PDAP1: variants seen among roughly 807,000 people sequenced by gnomAD.
PDAP1 encodes PDGFA associated protein 1, also known as 28 kDa heat- and acid-stable phosphoprotein.
PDAP1 carries 13 observed loss-of-function variants against 28.0 expected under a neutral mutation model. The ratio of observed to expected loss-of-function variants is 0.46; its 90% CI spans 0.30 to 0.74. The LOEUF (loss-of-function observed/expected upper bound fraction) is 0.74, where lower values mean the gene tolerates loss of function less well. Among genes scored for constraint, PDAP1 ranks in the 30% least tolerant of loss-of-function variants. The pLI is 0.07. For missense variants in PDAP1, 150 were observed against 230.0 expected, an observed-to-expected ratio of 0.65 and a Z score of 2.25; for synonymous variants, 77 against 85.1, an observed-to-expected ratio of 0.91 and a Z score of 0.52.
At position 99,400,342 on chromosome 7, in the gene PDAP1, A is replaced by G; in HGVS notation, c.296T>C (p.Leu99Pro). The change falls in exon 4 of 6, where the codon CTG (leucine) becomes CCG (proline). Residue 99 changes from leucine (L) to proline (P), a missense_variant. Physicochemically the swap from Leu to Pro is moderately conservative, Grantham distance 98. Transcript: ENST00000350498. The part of the protein sequence containing the change: ...VAQTTKKVTQ[L>P]DLDGPKELSR... Reference sequence around the variant, plus strand: ...AAGCTCCTTTGGCCCGTCCAGATCCAGTTGTGTGACCTTTTTGGTTGTCTG... The same window carrying G: ...AAGCTCCTTTGGCCCGTCCAGATCCGGTTGTGTGACCTTTTTGGTTGTCTG... The G allele has an allele frequency of 6.2e-7, 1 of 1,613,794 alleles. No homozygotes were observed. Among genetic ancestry groups the G allele is most frequent in the South Asian group, 1.1e-5 (1 of 91,044 alleles).
chr7:99,403,460 G>T lies in PDAP1; in HGVS notation c.151C>A (p.Pro51Thr). 1 of 1,612,450 alleles carries T rather than the reference G, an allele frequency of 6.2e-7. No homozygotes were observed. Among genetic ancestry groups the T allele is most frequent in the South Asian group, 1.1e-5 (1 of 91,056 alleles). Residue 51 changes from proline (P) to threonine (T), a missense_variant, in exon 3 of 6, where the codon CCC becomes ACC. Coordinates refer to ENST00000350498, the MANE Select transcript of PDAP1 (RefSeq NM_014891.7). ...TCTAGAGATTTCTTCTCCTTTTTGG[G>T]GTCACCTGCAGCCCCATCTCCACCT... ...KEGGDGAAGD[P>T]KKEKKSLDSD...
chr7:99,396,862 G>C, intron 5 of PDAP1, 122 bp from the exon 6 acceptor site: 1 of 758,862 alleles, frequency 1.3e-6, no homozygotes. Context: ...GTGCAACAGA[G>C]AAGAGCCGAG....
Position 99,397,923 on chromosome 7 carries a change from C to A in PDAP1, c.426G>T (p.Arg142=), listed in dbSNP as rs200704161. The A allele has an allele frequency of 1.7e-5, 28 of 1,614,116 alleles. No homozygotes were observed. In the Admixed American group the frequency reaches 3.5e-4, roughly 20 times the overall value. Reference sequence around the variant, plus strand: ...CCCGCTGTTTCCGGATGATGGCCAGCCGGGCCAGGTCAGCCTTGGCTTGCT... The same window carrying A: ...CCCGCTGTTTCCGGATGATGGCCAGACGGGCCAGGTCAGCCTTGGCTTGCT... ...KTEQAKADLA[R]LAIIRKQREE... Residue 142 remains arginine, a synonymous_variant, in exon 5 of 6, where the codon CGG becomes CGT. Coordinates refer to ENST00000350498, the MANE Select transcript of PDAP1 (RefSeq NM_014891.7).
At chr7:99,407,883 C>T (rs10279308) in intron 1 of PDAP1, among the ~76,000 whole-genome samples, 43,182 of 152,172 alleles carry the variant, frequency 0.28, 11,524 homozygotes, top group African/African-American at 0.71. Context: ...AGAATAGTTA[C>T]TGCTTCACTG....
chr7:99,405,882 T>G (rs1794962479), intron 1 of PDAP1, among the ~76,000 whole-genome samples: 1 of 152,212 alleles, frequency 6.6e-6, no homozygotes, highest in South Asian at 2.1e-4. Flanking sequence ...TACAGGGTTG[T>G]CACAAAGATA....
Position 99,396,530 on chromosome 7 carries a change from C to G in PDAP1, c.*152G>C. ...CCCCCCCCCATCCCCCAAACAATTT[C>G]TGTGCCAAGATGAAGAGGAGGCCCC... On this transcript the variant is annotated 3_prime_UTR_variant, in exon 6 of 6. Transcript: ENST00000350498. 2.5e-6 allele frequency: 1 copy of G among 406,324 alleles called. No homozygotes were observed. Among genetic ancestry groups the G allele is most frequent in the Non-Finnish European group, 5.0e-6 (1 of 200,538 alleles). 25.2% of individuals were successfully genotyped at this position (406,324 alleles called of 1,614,324 possible).
At chr7:99,401,136 A>ACC (rs1311275027) in intron 3 of PDAP1, among the ~76,000 whole-genome samples, 1 of 151,870 alleles carries the variant, frequency 6.6e-6, no homozygotes, top group Non-Finnish European at 1.5e-5. Context: ...GCACACTTAC[A>ACC]CCTCCACTCA....
intron 1 of PDAP1, among the ~76,000 whole-genome samples, chr7:99,407,096 A>G (rs1387627676): frequency 6.6e-6 from 1 of 152,200 alleles, no homozygotes; most frequent in Non-Finnish European, 1.5e-5. Context: ...TCAAGACTTT[A>G]AAAAACGATT....
At chr7:99,399,998 G>GT (rs1794834731) in intron 4 of PDAP1, among the ~76,000 whole-genome samples, 2 of 152,222 alleles carry the variant, frequency 1.3e-5, no homozygotes, top group African/African-American at 4.8e-5. Flanking sequence ...GATCAGTGGG[G>GT]TAAGGGAAGT....
At chr7:99,404,379 C>A (rs771338045) in intron 2 of PDAP1, among the ~76,000 whole-genome samples, 2 of 152,152 alleles carry the variant, frequency 1.3e-5, no homozygotes, top group Non-Finnish European at 2.9e-5. Context: ...ACTAAATCAG[C>A]TCTGGCTGGA....
At chr7:99,402,733 T>G (rs1426798569) in intron 3 of PDAP1, among the ~76,000 whole-genome samples, 1 of 151,232 alleles carries the variant, frequency 6.6e-6, no homozygotes, top group Non-Finnish European at 1.5e-5. Context: ...ATACAAAAAA[T>G]TAGCCCGGCG....
rs1196539953 is a variant in PDAP1 at position 99,394,778 on chromosome 7, GTAA to G, written c.*1901_*1903del. ...TGTGGAGGTAATAAAATGCAACTGT[GTAA>G]AAAAAAAAAAAAAAAAAAAAGTAAT... On this transcript the variant is annotated 3_prime_UTR_variant, in exon 6 of 6. Transcript: ENST00000350498. The G allele has an allele frequency of 1.3e-6, 1 of 771,616 alleles. No homozygotes were observed. Among genetic ancestry groups the G allele is most frequent in the African/African-American group, 3.4e-5 (1 of 29,654 alleles). The allele number at this position is 771,616 out of a possible 1,614,324, so 47.8% of individuals were successfully genotyped here. A position where few individuals can be genotyped will look rare whatever the true frequency, so the allele number is the denominator to read the frequency against.
chr7:99,400,211 C>T, intron 4 of PDAP1, 92 bp downstream of exon 4: 2 of 1,429,588 alleles, frequency 1.4e-6, no homozygotes, highest in East Asian at 2.3e-5. Context: ...AATAAACAGC[C>T]ACAGCTCCCA....
At chr7:99,405,965 C>A (rs188944302) in intron 1 of PDAP1, among the ~76,000 whole-genome samples, 1 of 152,308 alleles carries the variant, frequency 6.6e-6, no homozygotes, top group Admixed American at 6.5e-5. Context: ...AAAATGTTCG[C>A]TAATATCCAG....
intron 1 of PDAP1, among the ~76,000 whole-genome samples, chr7:99,405,959 T>C (rs1794963646): frequency 6.6e-6 from 1 of 152,152 alleles, no homozygotes; most frequent in South Asian, 2.1e-4. Flanking sequence ...ACTACAAAAA[T>C]GTTCGCTAAT....
chr7:99,400,018 G>A (rs1233618338), intron 4 of PDAP1, among the ~76,000 whole-genome samples: 1 of 152,222 alleles, frequency 6.6e-6, no homozygotes, highest in African/African-American at 2.4e-5. Flanking sequence ...TCTCCCCAGG[G>A]TGTGGTGCTC....
chr7:99,408,067 G>A (rs1363032661), intron 1 of PDAP1, among the ~76,000 whole-genome samples: 1 of 152,098 alleles, frequency 6.6e-6, no homozygotes, highest in Non-Finnish European at 1.5e-5. Flanking sequence ...AGCCGCTACC[G>A]AACGGGGGAG....
chr7:99,407,788 G>A (rs1050437298), intron 1 of PDAP1, among the ~76,000 whole-genome samples: 4 of 152,138 alleles, frequency 2.6e-5, no homozygotes, highest in African/African-American at 9.7e-5. Context: ...TAGAGAACGG[G>A]CTAGAAGATA....
At chr7:99,400,498 TCAA>T (rs1395620466) in intron 3 of PDAP1, 74 bp from the exon 4 acceptor site, 1 of 1,569,142 alleles carries the variant, frequency 6.4e-7, no homozygotes, top group African/African-American at 1.4e-5. Context: ...CTGCCATCTC[TCAA>T]CAGCCCATCT....
Sources: gnomAD v4.1 joint callset for allele counts (sites outside exome capture counted in the v4.1 genomes callset) on GRCh38, gnomAD v4.1.1 for gene constraint, MANE v1.5 for transcripts, NCBI Gene and HGNC (gene_info 2026-07-23, HGNC 2026-07-21) for gene names.